RGL2: variants seen among roughly 807,000 people sequenced by gnomAD.
RGL2 encodes ral guanine nucleotide dissociation stimulator like 2.
Under a neutral mutation model 84.6 loss-of-function variants are expected in RGL2, and 40 were observed. The ratio of observed to expected loss-of-function variants is 0.47; its 90% CI spans 0.37 to 0.62. The LOEUF is 0.62. RGL2 is among the 20% of genes least tolerant of loss of function. RGL2 has a pLI of 0.00. For missense variants in RGL2, 865 were observed against 1,019.7 expected (o/e 0.85, Z 2.07); for synonymous variants, 369 against 417.3 (o/e 0.88, Z 1.41).
chr6:33,298,615 G>C lies in RGL2; in HGVS notation c.-5C>G, dbSNP rs965636929. ...CCGCAGGGGCCGCGGGAGCATGGCC[G>C]AGTGAAGGAATCAGCGGGGTCGGGC... On this transcript the variant is annotated 5_prime_UTR_variant, in exon 2 of 18. Transcript: ENST00000497454. The surrounding 1 kb of genome is among the most constrained non-coding windows in gnomAD (Gnocchi z 4.8). The C allele has an allele frequency of 6.9e-7, 1 of 1,447,744 alleles. No individual in the cohort carries two copies. The highest frequency in any genetic ancestry group is 9.1e-7 in the Non-Finnish European group (1 of 1,099,878). The allele number at this position is 1,447,744 out of a possible 1,614,324, so 89.7% of individuals were successfully genotyped here.
Position 33,294,101 on chromosome 6 carries a change from A to G in RGL2, c.1354-35T>C. ...AAATGGGGATGGGGTGAAAGTTCCA[A>G]CCCTACCTTCCGGCCACAGAGAGAG... On this transcript the variant is annotated intron_variant, in intron 11 of 17. Coordinates refer to ENST00000497454, the MANE Select transcript of RGL2 (RefSeq NM_004761.5). The surrounding 1 kb of genome is among the most constrained non-coding windows in gnomAD (Gnocchi z 5.0). 6.3e-7 allele frequency: 1 copy of G among 1,599,026 alleles called. No homozygotes were observed. The highest frequency in any genetic ancestry group is 8.5e-7 in the Non-Finnish European group (1 of 1,170,910).
chr6:33,295,987 A>AAGGGGTCAGGGGGCATAGGGGCC lies in RGL2; in HGVS notation c.768+18_768+40dup. 6.2e-7 allele frequency: 1 copy of AAGGGGTCAGGGGGCATAGGGGCC among 1,608,944 alleles called. No homozygotes were observed. Among genetic ancestry groups the AAGGGGTCAGGGGGCATAGGGGCC allele is most frequent in the Non-Finnish European group, 8.5e-7 (1 of 1,176,736 alleles). On this transcript the variant is annotated intron_variant, in intron 6 of 17. Transcript: ENST00000497454. The surrounding 1 kb of genome is among the most constrained non-coding windows in gnomAD (Gnocchi z 7.2). Reference sequence around the variant, plus strand: ...GATCTGGAGTCAAGGAGAGGTTAGTAAGGGGTCAGGGGGCATAGGGGCCAG... The same window carrying AAGGGGTCAGGGGGCATAGGGGCC: ...GATCTGGAGTCAAGGAGAGGTTAGTAAGGGGTCAGGGGGCATAGGGGCCAGGGGTCAGGGGGCATAGGGGCCAG...
In RGL2 at chr6:33,296,195, C is replaced by A; in HGVS notation, c.601G>T (p.Gly201Trp). The change falls in exon 6 of 18, where the codon GGG (glycine) becomes TGG (tryptophan). Residue 201 changes from glycine to tryptophan, a missense_variant. Coordinates refer to ENST00000497454, the MANE Select transcript of RGL2 (RefSeq NM_004761.5). This position sits in a 1 kb window ranked among gnomAD's most constrained non-coding sequence, Gnocchi z 5.0. ...QTGYAAGKGV[G>W]GGSADLIRNL... ...CGGATGAGGTCAGCGCTGCCCCCCC[C>A]AACACCCTTCCCTGCTGCATACCCT... is the stretch of plus-strand genomic sequence containing the variant. The A allele has an allele frequency of 6.2e-7, 1 of 1,613,984 alleles. No homozygotes were observed. Among genetic ancestry groups the A allele is most frequent in the Non-Finnish European group, 8.5e-7 (1 of 1,179,914 alleles).
upstream of RGL2, chr6:33,299,829 G>A (rs1390624478): frequency 6.6e-6 from 1 of 152,288 alleles, no homozygotes; most frequent in African/African-American, 2.4e-5. This position sits in a 1 kb window ranked among gnomAD's most constrained non-coding sequence, Gnocchi z 5.0. Flanking sequence ...GCTACTTGAT[G>A]AGCGCCCTCC....
In RGL2 at chr6:33,294,886, C is replaced by T. The variant is rs1010395294; in HGVS notation, c.1278+91G>A. 1 of 1,497,200 alleles carries T rather than the reference C, an allele frequency of 6.7e-7. No individual in the cohort carries two copies. Among genetic ancestry groups the T allele is most frequent in the South Asian group, 1.2e-5 (1 of 82,508 alleles). The allele number at this position is 1,497,200 out of a possible 1,614,324, so 92.7% of individuals were successfully genotyped here. A position where few individuals can be genotyped will look rare whatever the true frequency, so the allele number is the denominator to read the frequency against. On this transcript the variant is annotated intron_variant, in intron 10 of 17. Coordinates refer to ENST00000497454, the MANE Select transcript of RGL2 (RefSeq NM_004761.5). The surrounding 1 kb of genome is among the most constrained non-coding windows in gnomAD (Gnocchi z 5.0). ...ATTCTCCTCACCCCTCTGTGCCTCC[C>T]TTACCCATCCTTCAGGCTGCTCCCC... is the stretch of plus-strand genomic sequence containing the variant.
Position 33,298,576 on chromosome 6 carries a change from G to C in RGL2, c.35C>G (p.Thr12Arg). The C allele has an allele frequency of 6.8e-7, 1 of 1,466,734 alleles. No homozygotes were observed. The highest frequency in any genetic ancestry group is 9.0e-7 in the Non-Finnish European group (1 of 1,109,016). The allele number at this position is 1,466,734 out of a possible 1,614,324, so 90.9% of individuals were successfully genotyped here. A position where few individuals can be genotyped will look rare whatever the true frequency, so the allele number is the denominator to read the frequency against. Residue 12 changes from threonine to arginine, a missense_variant, in exon 2 of 18, where the codon ACG becomes AGG. Thr to Arg is a moderately conservative substitution (Grantham distance 71). Transcript: ENST00000497454. This position sits in a 1 kb window ranked among gnomAD's most constrained non-coding sequence, Gnocchi z 4.8. ...LPRPLRLLLDTSPPGGVVLSS... is the reference protein window; with the variant it reads ...LPRPLRLLLDRSPPGGVVLSS... ...CAGTACGACTCCCCCGGGGGGGCTCGTGTCCAAAAGCAGCCGCAGGGGCCG... is the reference window on the plus strand; with the variant it reads ...CAGTACGACTCCCCCGGGGGGGCTCCTGTCCAAAAGCAGCCGCAGGGGCCG...
upstream of RGL2, chr6:33,301,349 A>C (rs1436952124): frequency 5.5e-6 from 1 of 180,602 alleles, no homozygotes; most frequent in Non-Finnish European, 1.2e-5. Context: ...TGAGGTGGGC[A>C]GATCACCTGA....
chr6:33,292,635 C>A (rs1361854570), intron 16 of RGL2, 91 bp from the exon 17 acceptor site: 1 of 1,080,474 alleles, frequency 9.3e-7, no homozygotes, highest in South Asian at 1.3e-5. Flanking sequence ...CAAAATGTTA[C>A]TTGTGTCCAA....
chr6:33,294,941 ACCACCCCCACGC>A lies in RGL2; in HGVS notation c.1278+24_1278+35del. The A allele has an allele frequency of 6.5e-7, 1 of 1,546,760 alleles. No homozygotes were observed. The highest frequency in any genetic ancestry group is 8.7e-7 in the Non-Finnish European group (1 of 1,145,288). The stretch of plus-strand genomic sequence containing the variant: ...ACATACTCCTCACCCCTTCATAATC[ACCACCCCCACGC>A]CCACCACCCCGCTAGTCACTCACCC... On this transcript the variant is annotated intron_variant, in intron 10 of 17. Coordinates refer to ENST00000497454, the MANE Select transcript of RGL2 (RefSeq NM_004761.5). The surrounding 1 kb of genome is among the most constrained non-coding windows in gnomAD (Gnocchi z 5.0).
chr6:33,298,777 G>A lies in RGL2; in HGVS notation c.-42+93C>T. 2.0e-6 allele frequency: 1 copy of A among 493,444 alleles called. No individual in the cohort carries two copies. The highest frequency in any genetic ancestry group is 3.6e-6 in the Non-Finnish European group (1 of 281,212). 30.6% of individuals were successfully genotyped at this position (493,444 alleles called of 1,614,324 possible). On this transcript the variant is annotated intron_variant, in intron 1 of 17. Transcript: ENST00000497454. The surrounding 1 kb of genome is among the most constrained non-coding windows in gnomAD (Gnocchi z 4.8). The stretch of plus-strand genomic sequence containing the variant: ...GTTCTGCAGGAAGGTTGGGGGAGGG[G>A]GCAACAGAAGGGTGGAATAGGGGGG...
upstream of RGL2, chr6:33,301,603 TTA>T (rs1768592685): frequency 1.5e-6 from 1 of 662,592 alleles, no homozygotes. Flanking sequence ...AAATTATCCC[TTA>T]TATAAGTGAA....
At position 33,294,873 on chromosome 6, in the gene RGL2, C is replaced by G. The variant is rs1581713543; in HGVS notation, c.1278+104G>C. 1 of 1,484,208 alleles carries G rather than the reference C, an allele frequency of 6.7e-7. No homozygotes were observed. Among genetic ancestry groups the G allele is most frequent in the East Asian group, 2.5e-5 (1 of 40,692 alleles). The allele number at this position is 1,484,208 out of a possible 1,614,324, so 91.9% of individuals were successfully genotyped here. ...GAGAACAGATTTCATTCTCCTCACC[C>G]CTCTGTGCCTCCCTTACCCATCCTT... is the stretch of plus-strand genomic sequence containing the variant. On this transcript the variant is annotated intron_variant, in intron 10 of 17. Coordinates refer to ENST00000497454, the MANE Select transcript of RGL2 (RefSeq NM_004761.5). This position sits in a 1 kb window ranked among gnomAD's most constrained non-coding sequence, Gnocchi z 5.0.
Position 33,296,241 on chromosome 6 carries a change from A to G in RGL2, c.555T>C (p.Leu185=). The G allele has an allele frequency of 6.2e-7, 1 of 1,613,990 alleles. No individual in the cohort carries two copies. Residue 185 remains leucine, a synonymous_variant, in exon 6 of 18, where the codon CTT becomes CTC. Transcript: ENST00000497454. The surrounding 1 kb of genome is among the most constrained non-coding windows in gnomAD (Gnocchi z 5.0). ...ACCCTGTCTGAAGTAAGAAGCTCTCAAGCCGGTCAAGCTGACCCTTGGCCT... is the reference window on the plus strand; with the variant it reads ...ACCCTGTCTGAAGTAAGAAGCTCTCGAGCCGGTCAAGCTGACCCTTGGCCT... ...GSEAKGQLDR[L]ESFLLQTGYA... is the part of the protein sequence containing the mutation.
rs773064187 is a variant in RGL2 at position 33,293,537 on chromosome 6, G to C, written c.1605-13C>G. On this transcript the variant is annotated splice_polypyrimidine_tract_variant and intron_variant, in intron 14 of 17. Transcript: ENST00000497454. This position sits in a 1 kb window ranked among gnomAD's most constrained non-coding sequence, Gnocchi z 7.0. ...AGAGCCCAAAACCCTGCAGTGGCAG[G>C]AGATTGGGAGGATCAGAGAAAAGTG... is the stretch of plus-strand genomic sequence containing the variant. The C allele has an allele frequency of 2.5e-6, 4 of 1,612,928 alleles. No homozygotes were observed. The African/African-American group carries it at 5.3e-5, about 22-fold the overall frequency.
chr6:33,292,654 A>G, intron 16 of RGL2, 110 bp from the exon 17 acceptor site: 1 of 933,356 alleles, frequency 1.1e-6, no homozygotes, highest in South Asian at 1.5e-5. Flanking sequence ...AAGGCTTTAA[A>G]ATGAACAGGA....
Position 33,293,927 on chromosome 6 carries a change from G to C in RGL2, c.1387-11C>G, listed in dbSNP as rs370628655. 6.2e-7 allele frequency: 1 copy of C among 1,614,028 alleles called. No homozygotes were observed. Among genetic ancestry groups the C allele is most frequent in the African/African-American group, 1.3e-5 (1 of 74,974 alleles). On this transcript the variant is annotated splice_polypyrimidine_tract_variant and intron_variant, in intron 12 of 17. Transcript: ENST00000497454. The surrounding 1 kb of genome is among the most constrained non-coding windows in gnomAD (Gnocchi z 7.0). Reference sequence around the variant, plus strand: ...AAGGACTGCAAACTCCTGGGAAGGAGCCCTCAAACTGCAGGAGCCAAAACT... The same window carrying C: ...AAGGACTGCAAACTCCTGGGAAGGACCCCTCAAACTGCAGGAGCCAAAACT...
chr6:33,291,818 T>C lies in RGL2; in HGVS notation c.*284A>G, dbSNP rs1025378703. 8.7e-6 allele frequency: 5 copies of C among 574,828 alleles called. No individual in the cohort carries two copies. Among genetic ancestry groups the C allele is most frequent in the South Asian group, 8.4e-5 (4 of 47,436 alleles). The allele number at this position is 574,828 out of a possible 1,614,324, so 35.6% of individuals were successfully genotyped here. On this transcript the variant is annotated 3_prime_UTR_variant, in exon 18 of 18. Transcript: ENST00000497454. ...TGCTTGGCCCTTGCATGTTAGGATA[T>C]GGCCAAGAATCAGAAACTGATGCGT...
chr6:33,295,430 G>T lies in RGL2; in HGVS notation c.1021-8C>A, dbSNP rs1767851057. 6.2e-7 allele frequency: 1 copy of T among 1,612,818 alleles called. No homozygotes were observed. Among genetic ancestry groups the T allele is most frequent in the Non-Finnish European group, 8.5e-7 (1 of 1,179,964 alleles). ...TCGGAGCAGCCGGCACTCCTGTGGGGGTCAAAGAAGAGAGCTAAGGCTATG... is the reference window on the plus strand; with the variant it reads ...TCGGAGCAGCCGGCACTCCTGTGGGTGTCAAAGAAGAGAGCTAAGGCTATG... On this transcript the variant is annotated splice_polypyrimidine_tract_variant and splice_region_variant and intron_variant, in intron 7 of 17. Coordinates refer to ENST00000497454, the MANE Select transcript of RGL2 (RefSeq NM_004761.5). The surrounding 1 kb of genome is among the most constrained non-coding windows in gnomAD (Gnocchi z 7.2).
rs1486210808 is a variant in RGL2, at chr6:33,294,008, G to T, written c.1386+26C>A. 2 of 1,613,902 alleles carry T rather than the reference G, an allele frequency of 1.2e-6. No homozygotes were observed. The highest frequency in any genetic ancestry group is 4.5e-5 in the East Asian group (2 of 44,860). ...CCTGGAACATGGATAGGGAAGTCCA[G>T]CATCCAGCCCAGACACTCCGCTCAC... On this transcript the variant is annotated intron_variant, in intron 12 of 17. Coordinates refer to ENST00000497454, the MANE Select transcript of RGL2 (RefSeq NM_004761.5). This position sits in a 1 kb window ranked among gnomAD's most constrained non-coding sequence, Gnocchi z 5.0.
Sources: allele counts gnomAD v4.1 joint callset, GRCh38; gene constraint gnomAD v4.1.1; non-coding constraint Gnocchi (gnomAD v3.1); transcripts MANE v1.5; gene names NCBI Gene and HGNC (gene_info 2026-07-23, HGNC 2026-07-21).